ADGRL2: variants seen among roughly 807,000 people sequenced by gnomAD.
ADGRL2 encodes calcium-independent alpha-latrotoxin receptor 2.
In ADGRL2, 44 loss-of-function variants were observed where a neutral mutation model predicts 157.4. The ratio of observed to expected loss-of-function variants is 0.28; its 90% CI spans 0.22 to 0.36. ADGRL2 has a LOEUF of 0.36. Ranked by LOEUF, ADGRL2 falls within the 10% of genes least tolerant of loss-of-function variation. The probability of loss-of-function intolerance (pLI) is 1.00; values close to 1 mark genes in which losing one functional copy is unlikely to be tolerated. For synonymous variants in ADGRL2, 585 were observed against 624.7 expected (o/e 0.94, Z 0.95); for missense variants, 1,510 against 1,768.9 (o/e 0.85, Z 2.63).
At chr1:81,403,008 C>A (rs1283260166) in intron 1 of ADGRL2, among the ~76,000 whole-genome samples, 1 of 152,210 alleles carries the variant, frequency 6.6e-6, no homozygotes, top group Non-Finnish European at 1.5e-5. Flanking sequence ...ACTCACTTTG[C>A]AAACAACCTT....
At chr1:81,495,228 A>G (rs971211579) in intron 2 of ADGRL2, among the ~76,000 whole-genome samples, 10 of 152,178 alleles carry the variant, frequency 6.6e-5, no homozygotes, top group African/African-American at 2.2e-4. Context: ...AAAAATTCCC[A>G]GAGAAAATGA....
intron 1 of ADGRL2, among the ~76,000 whole-genome samples, chr1:81,814,316 A>G (rs756582563): frequency 3.9e-4 from 59 of 151,762 alleles, no homozygotes; most frequent in Non-Finnish European, 7.8e-4. Context: ...ACTGGTTTTT[A>G]AAATAATAAG....
At position 81,965,351 on chromosome 1, in the gene ADGRL2, A is replaced by G. The variant is rs531589838; in HGVS notation, c.2018-707A>G. ...TGTGTTCCAATAAAACTTTATTTAC[A>G]AAAACAAATGGCATGCCAGGCTTGG... On this transcript the variant is annotated intron_variant, in intron 11 of 23. Transcript: ENST00000686636. Among the ~76,000 whole-genome samples the G allele has an allele frequency of 1.2e-4, 19 of 152,358 alleles. No homozygotes were observed. In the South Asian group the frequency reaches 3.9e-3, roughly 32 times the overall value.
At chr1:81,885,517 C>T (rs1001288502) in intron 2 of ADGRL2, among the ~76,000 whole-genome samples, 3 of 152,140 alleles carry the variant, frequency 2.0e-5, no homozygotes, top group South Asian at 2.1e-4. Flanking sequence ...AATTACTGCT[C>T]ACAGATAGAA....
intron 1 of ADGRL2, among the ~76,000 whole-genome samples, chr1:81,760,279 T>C (rs2085830756): frequency 6.6e-6 from 1 of 152,082 alleles, no homozygotes; most frequent in Non-Finnish European, 1.5e-5. Flanking sequence ...CTGATTAAAG[T>C]GTGCATAGCT....
chr1:81,600,058 T>C (rs1304581074), intron 3 of ADGRL2, among the ~76,000 whole-genome samples: 1 of 152,220 alleles, frequency 6.6e-6, no homozygotes, highest in Non-Finnish European at 1.5e-5. Flanking sequence ...GCCTTTTTAG[T>C]TTACACTTGA....
intron 3 of ADGRL2, among the ~76,000 whole-genome samples, chr1:81,613,452 C>A (rs72937209): frequency 0.013 from 2,037 of 152,198 alleles, 38 homozygotes; most frequent in African/African-American, 0.046. Context: ...AGAGATAACC[C>A]AGAAGAGAGA....
At chr1:81,418,206 A>C (rs1353809408) in intron 1 of ADGRL2, among the ~76,000 whole-genome samples, 2 of 152,240 alleles carry the variant, frequency 1.3e-5, no homozygotes, top group Non-Finnish European at 2.9e-5. Context: ...AAAAAGGAAT[A>C]GATGTTTATT....
At chr1:81,528,344 C>T (rs1157568824) in intron 2 of ADGRL2, among the ~76,000 whole-genome samples, 6 of 152,018 alleles carry the variant, frequency 3.9e-5, no homozygotes, top group Admixed American at 1.3e-4. Context: ...AGCTGAGGTT[C>T]TTTAGAATAG....
intron 2 of ADGRL2, chr1:81,557,738 G>A (rs770108573): frequency 6.6e-6 from 1 of 151,928 alleles, no homozygotes; most frequent in Admixed American, 6.5e-5. Flanking sequence ...CTCAGAGCAC[G>A]TGGAGCTGTC....
At chr1:81,940,451 T>C (rs529510427) in intron 4 of ADGRL2, among the ~76,000 whole-genome samples, 4 of 151,732 alleles carry the variant, frequency 2.6e-5, no homozygotes, top group African/African-American at 7.2e-5. Context: ...GAATTTCTTG[T>C]TTTTCAGATG....
At chr1:81,362,911 C>G (rs747964221) in intron 1 of ADGRL2, among the ~76,000 whole-genome samples, 1 of 151,950 alleles carries the variant, frequency 6.6e-6, no homozygotes, top group Non-Finnish European at 1.5e-5. Flanking sequence ...TAATTGTAAG[C>G]CTCTTGTGTT....
chr1:81,382,246 G>A (rs750138502), intron 1 of ADGRL2, among the ~76,000 whole-genome samples: 5 of 152,036 alleles, frequency 3.3e-5, no homozygotes, highest in Non-Finnish European at 7.3e-5. Flanking sequence ...AACATTCATC[G>A]CCATAATGCA....
chr1:81,872,168 A>C (rs1441677071), intron 2 of ADGRL2, among the ~76,000 whole-genome samples: 1 of 152,148 alleles, frequency 6.6e-6, no homozygotes, highest in African/African-American at 2.4e-5. Context: ...CAGTTTTCCC[A>C]GCACCATTTA....
intron 2 of ADGRL2, among the ~76,000 whole-genome samples, chr1:81,470,139 G>A (rs1487367853): frequency 6.6e-6 from 1 of 152,102 alleles, no homozygotes; most frequent in Non-Finnish European, 1.5e-5. Flanking sequence ...CACACATCTG[G>A]TACTGCATCA....
At chr1:81,564,978 G>A (rs1229346881) in intron 2 of ADGRL2, among the ~76,000 whole-genome samples, 1 of 152,160 alleles carries the variant, frequency 6.6e-6, no homozygotes, top group East Asian at 1.9e-4. Flanking sequence ...CTGATAAGGA[G>A]TCATCTAGCA....
intron 4 of ADGRL2, among the ~76,000 whole-genome samples, chr1:81,941,435 T>C (rs1318054597): frequency 1.3e-5 from 2 of 151,602 alleles, no homozygotes; most frequent in Non-Finnish European, 3.0e-5. Context: ...AGAAAAACAA[T>C]TGAAACATAC....
intron 1 of ADGRL2, among the ~76,000 whole-genome samples, chr1:81,437,989 G>A (rs1478853494): frequency 1.3e-5 from 2 of 151,648 alleles, no homozygotes; most frequent in Non-Finnish European, 2.9e-5. Flanking sequence ...CCATTGCATA[G>A]CGTTGCCTCC....
chr1:81,691,496 T>C (rs974538065), intron 3 of ADGRL2, among the ~76,000 whole-genome samples: 1 of 151,978 alleles, frequency 6.6e-6, no homozygotes, highest in Non-Finnish European at 1.5e-5. Flanking sequence ...ATTAGTTTTC[T>C]TTTTAGGACT....
Sources: gnomAD v4.1 joint callset for allele counts (sites outside exome capture counted in the v4.1 genomes callset) on GRCh38, gnomAD v4.1.1 for gene constraint, MANE v1.5 for transcripts, NCBI Gene and HGNC (gene_info 2026-07-23, HGNC 2026-07-21) for gene names.